Variants in PIAS1 observed in about 807,000 individuals in gnomAD.
PIAS1 encodes protein inhibitor of activated STAT 1, also known as E3 SUMO-protein ligase PIAS1.
A neutral mutation model predicts 71.3 loss-of-function variants in PIAS1; 6 were observed. The observed-to-expected ratio is 0.08, with a 90% CI of 0.05 to 0.17. The LOEUF (loss-of-function observed/expected upper bound fraction) is 0.17. Among genes scored for constraint, PIAS1 ranks in the 10% least tolerant of loss-of-function variants. The probability of loss-of-function intolerance (pLI) is 1.00; values close to 1 mark genes in which losing one functional copy is unlikely to be tolerated. For synonymous variants in PIAS1, 303 were observed against 292.9 expected (o/e 1.03, Z -0.35); for missense variants, 555 against 793.6 (o/e 0.70, Z 3.61).
rs1175714696 is a variant in PIAS1, at chr15:68,185,632, C to A, written c.1663-1910C>A. On this transcript the variant is annotated intron_variant, in intron 13 of 13. Transcript: ENST00000249636. This position sits in a 1 kb window ranked among gnomAD's most constrained non-coding sequence, Gnocchi z 4.4. ...TTCACAGTGAAAGGTTTAGCAGAAG[C>A]TTTTGCAGACCTCAACAAGCTCCTT... 2.0e-5 allele frequency among the ~76,000 whole-genome samples: 3 copies of A among 152,182 alleles called. No homozygotes were observed. Among genetic ancestry groups the A allele is most frequent in the African/African-American group, 4.8e-5 (2 of 41,432 alleles).
At chr15:68,131,598 T>A (rs1033097280) in intron 2 of PIAS1, among the ~76,000 whole-genome samples, 1 of 152,206 alleles carries the variant, frequency 6.6e-6, no homozygotes, top group African/African-American at 2.4e-5. Flanking sequence ...ATGCAGTATT[T>A]GTCTTTCTGT....
chr15:68,083,321 C>A (rs1420926915), intron 1 of PIAS1, among the ~76,000 whole-genome samples: 1 of 152,074 alleles, frequency 6.6e-6, no homozygotes, highest in African/African-American at 2.4e-5. Flanking sequence ...TTCAGTGTTT[C>A]CCGCCCCCTT....
At chr15:68,139,272 A>T (rs188230530) in intron 2 of PIAS1, among the ~76,000 whole-genome samples, 1 of 152,278 alleles carries the variant, frequency 6.6e-6, no homozygotes, top group Admixed American at 6.5e-5. Context: ...GCATTTTTAC[A>T]ATTAAACTGT....
intron 2 of PIAS1, among the ~76,000 whole-genome samples, chr15:68,123,106 C>G (rs1213837059): frequency 2.6e-5 from 4 of 151,806 alleles, no homozygotes; most frequent in Non-Finnish European, 4.4e-5. Context: ...GGCTGGAATG[C>G]AGTGGTACAA....
intron 4 of PIAS1, 151 bp downstream of exon 4, chr15:68,142,488 A>T (rs2092778383): frequency 5.3e-6 from 3 of 560,828 alleles, no homozygotes; most frequent in South Asian, 6.9e-5. Flanking sequence ...TGGAAAAAAA[A>T]TTTTAAGGAA....
At chr15:68,176,383 C>T (rs1010808801) in intron 10 of PIAS1, 91 bp from the exon 11 acceptor site, 59 of 785,818 alleles carry the variant, frequency 7.5e-5, no homozygotes, top group Non-Finnish European at 1.1e-4. Context: ...TATTGTGAAT[C>T]TAAACTGTAA....
At chr15:68,071,778 C>T (rs188194737) in intron 1 of PIAS1, among the ~76,000 whole-genome samples, 5 of 150,878 alleles carry the variant, frequency 3.3e-5, no homozygotes, top group Non-Finnish European at 7.4e-5. Flanking sequence ...CCAGCCTGGC[C>T]AACTCTACAA....
At chr15:68,161,080 A>G (rs942934392) in intron 7 of PIAS1, among the ~76,000 whole-genome samples, 1 of 152,262 alleles carries the variant, frequency 6.6e-6, no homozygotes, top group Non-Finnish European at 1.5e-5. Flanking sequence ...CAAAAAAGCT[A>G]CTAGAAATAC....
rs917954395 is a variant in PIAS1, at chr15:68,174,832, G to GAAAC, written c.1170-790_1170-787dup. ...TTGAAAGATGTCAGACCAGTCATGG[G>GAAAC]AAACAAACAAACAAACAACATGTAA... On this transcript the variant is annotated intron_variant, in intron 9 of 13. Transcript: ENST00000249636. This position sits in a 1 kb window ranked among gnomAD's most constrained non-coding sequence, Gnocchi z 4.0. 2.6e-5 allele frequency among the ~76,000 whole-genome samples: 4 copies of GAAAC among 152,284 alleles called. No homozygotes were observed. Among genetic ancestry groups the GAAAC allele is most frequent in the Middle Eastern group, 3.4e-3 (1 of 294 alleles).
chr15:68,120,935 C>T (rs2092608171), intron 2 of PIAS1, among the ~76,000 whole-genome samples: 1 of 152,216 alleles, frequency 6.6e-6, no homozygotes, highest in Non-Finnish European at 1.5e-5. Flanking sequence ...CGGGCCTGAC[C>T]TACTTCTATA....
chr15:68,075,086 T>TTC (rs1567029433), intron 1 of PIAS1, among the ~76,000 whole-genome samples: 30 of 133,164 alleles, frequency 2.3e-4, no homozygotes, highest in African/African-American at 8.3e-4. Flanking sequence ...TTCTTTTTTT[T>TTC]TTTTTTTTTT....
intron 5 of PIAS1, 146 bp downstream of exon 5, chr15:68,146,052 C>A: frequency 1.6e-6 from 1 of 610,014 alleles, no homozygotes. Flanking sequence ...ACACTTGTAC[C>A]AACTATGTAC....
chr15:68,059,091 G>A (rs889599953), intron 1 of PIAS1, among the ~76,000 whole-genome samples: 3 of 140,274 alleles, frequency 2.1e-5, no homozygotes, highest in Non-Finnish European at 1.5e-5. Flanking sequence ...TGCAAGCTCC[G>A]CCTCCCGGGT....
chr15:68,071,275 T>A (rs1251028754), intron 1 of PIAS1, among the ~76,000 whole-genome samples: 1 of 144,812 alleles, frequency 6.9e-6, no homozygotes, highest in East Asian at 2.2e-4. Context: ...CATTCTTTTT[T>A]TTTTTTTTTT....
chr15:68,130,542 C>G (rs1412000603), intron 2 of PIAS1, among the ~76,000 whole-genome samples: 1 of 151,480 alleles, frequency 6.6e-6, no homozygotes, highest in Non-Finnish European at 1.5e-5. Flanking sequence ...GGGTTTGATA[C>G]ATTTGCTGGT....
chr15:68,101,737 G>C (rs1264761174), intron 2 of PIAS1, among the ~76,000 whole-genome samples: 1 of 152,058 alleles, frequency 6.6e-6, no homozygotes, highest in East Asian at 1.9e-4. Flanking sequence ...TAGGTTTCTA[G>C]TCTAACAACC....
chr15:68,172,319 G>A (rs578129539), intron 8 of PIAS1, among the ~76,000 whole-genome samples: 5 of 152,280 alleles, frequency 3.3e-5, no homozygotes, highest in African/African-American at 1.2e-4. Flanking sequence ...ATCATTGATG[G>A]ACATTTGGGG....
At chr15:68,062,593 A>G (rs966066583) in intron 1 of PIAS1, among the ~76,000 whole-genome samples, 36 of 152,194 alleles carry the variant, frequency 2.4e-4, no homozygotes, top group African/African-American at 8.4e-4. Context: ...AGACTTGCCT[A>G]TTTTGGGCAT....
chr15:68,110,037 G>A (rs529468934), intron 2 of PIAS1, among the ~76,000 whole-genome samples: 1 of 152,180 alleles, frequency 6.6e-6, no homozygotes, highest in Non-Finnish European at 1.5e-5. Context: ...GAATCTCTAA[G>A]CCAGATATAT....
Sources: allele counts gnomAD v4.1 joint callset (sites outside exome capture counted in the v4.1 genomes callset), GRCh38; gene constraint gnomAD v4.1.1; non-coding constraint Gnocchi (gnomAD v3.1); transcripts MANE v1.5; gene names NCBI Gene and HGNC (gene_info 2026-07-23, HGNC 2026-07-21).